Variants in DISC1 observed in about 807,000 individuals in gnomAD.
DISC1 encodes the protein disrupted in schizophrenia 1 protein.
Under a neutral mutation model 84.5 loss-of-function variants are expected in DISC1, and 57 were observed. The ratio of observed to expected loss-of-function variants is 0.67; its 90% CI spans 0.55 to 0.84. The LOEUF is 0.84. Among genes scored for constraint, DISC1 ranks in the 40% least tolerant of loss-of-function variants. The probability of loss-of-function intolerance (pLI) is 0.00; values close to 1 mark genes in which losing one functional copy is unlikely to be tolerated. For synonymous variants in DISC1, 411 were observed against 415.2 expected (o/e 0.99, Z 0.12); for missense variants, 1,000 against 1,057.8 (o/e 0.95, Z 0.76).
At chr1:231,874,746 C>T (rs576870970) in intron 9 of DISC1, among the ~76,000 whole-genome samples, 1 of 151,480 alleles carries the variant, frequency 6.6e-6, no homozygotes, top group South Asian at 2.1e-4. Flanking sequence ...CCCGTATCTA[C>T]CAAAAATACA....
intron 4 of DISC1, among the ~76,000 whole-genome samples, chr1:231,759,764 A>G (rs2075490019): frequency 6.6e-6 from 1 of 152,152 alleles, no homozygotes; most frequent in South Asian, 2.1e-4. Flanking sequence ...ACCCCAAATC[A>G]GATCAGGAGA....
At chr1:232,002,911 C>CT (rs1443226892) in intron 10 of DISC1, among the ~76,000 whole-genome samples, 2 of 152,130 alleles carry the variant, frequency 1.3e-5, no homozygotes, top group East Asian at 3.9e-4. Context: ...AAGGGGAACT[C>CT]TGACGAAGAT....
intron 9 of DISC1, among the ~76,000 whole-genome samples, chr1:231,933,522 C>G (rs986152756): frequency 6.6e-6 from 1 of 152,188 alleles, no homozygotes; most frequent in African/African-American, 2.4e-5. Flanking sequence ...TCTTTTCCCT[C>G]CACATGCCTG....
At chr1:231,686,556 C>G (rs900151217) in intron 1 of DISC1, among the ~76,000 whole-genome samples, 1 of 152,144 alleles carries the variant, frequency 6.6e-6, no homozygotes, top group African/African-American at 2.4e-5. Flanking sequence ...CATGGGGACC[C>G]TGGGCCCGGC....
intron 12 of DISC1, among the ~76,000 whole-genome samples, chr1:232,030,407 G>GA (rs1312589414): frequency 1.3e-5 from 2 of 152,192 alleles, no homozygotes; most frequent in Non-Finnish European, 2.9e-5. Context: ...CCTGTGATAT[G>GA]TACATTTTTG....
intron 9 of DISC1, among the ~76,000 whole-genome samples, chr1:231,875,818 A>G (rs1264306409): frequency 6.6e-6 from 1 of 152,096 alleles, no homozygotes; most frequent in African/African-American, 2.4e-5. Context: ...CAATTCCCCC[A>G]CACAGTTTGG....
rs181835920 is a variant in DISC1 at position 231,856,939 on chromosome 1, C to T, written c.1981+38422C>T. Among the ~76,000 whole-genome samples, 275 of 152,248 alleles carry T rather than the reference C, an allele frequency of 1.8e-3. 2 individuals carry two copies. The highest frequency in any genetic ancestry group is 6.1e-3 in the African/African-American group (253 of 41,540). On this transcript the variant is annotated intron_variant, in intron 9 of 12. Coordinates refer to ENST00000439617, the MANE Select transcript of DISC1 (RefSeq NM_018662.3). ...GGCAGAGTGGGCTGCAGCAATCCTG[C>T]GGCGGCAGCATGAAAAAAGGGGTCT... is the stretch of plus-strand genomic sequence containing the variant.
intron 6 of DISC1, among the ~76,000 whole-genome samples, chr1:231,780,919 C>T (rs1407723698): frequency 4.9e-4 from 54 of 109,680 alleles, no homozygotes; most frequent in African/African-American, 1.8e-3. Flanking sequence ...AACAAAAAAC[C>T]AAACACCGCA....
At chr1:231,726,869 T>C (rs2070789702) in intron 3 of DISC1, among the ~76,000 whole-genome samples, 1 of 152,168 alleles carries the variant, frequency 6.6e-6, no homozygotes, top group Admixed American at 6.5e-5. Context: ...CCATGATCTC[T>C]CTCTTAGCCT....
intron 9 of DISC1, among the ~76,000 whole-genome samples, chr1:231,825,862 G>C (rs984061219): frequency 1.3e-5 from 2 of 152,250 alleles, no homozygotes; most frequent in South Asian, 4.1e-4. Flanking sequence ...ATCCTTAGAG[G>C]TTTAAATATA....
In DISC1 at chr1:231,627,064, A is replaced by G. The variant is rs537786161; in HGVS notation, c.67+130A>G. ...AACAACCCCTTTCGAGGTGAGGGAA[A>G]CTGAGGCAGGACGCGAGGCGTGCGA... On this transcript the variant is annotated intron_variant, in intron 1 of 12. Transcript: ENST00000439617. 8.3e-6 allele frequency: 5 copies of G among 600,756 alleles called. No individual in the cohort carries two copies. In the South Asian group the frequency reaches 1.3e-4, roughly 15 times the overall value. 37.2% of individuals were successfully genotyped at this position (600,756 alleles called of 1,614,324 possible). A position where few individuals can be genotyped will look rare whatever the true frequency, so the allele number is the denominator to read the frequency against.
At chr1:231,776,226 A>G (rs1345575003) in intron 6 of DISC1, among the ~76,000 whole-genome samples, 1 of 152,152 alleles carries the variant, frequency 6.6e-6, no homozygotes, top group South Asian at 2.1e-4. Flanking sequence ...AATCACAGTG[A>G]TGACGTGGAG....
At chr1:231,820,507 A>G (rs1201335532) in intron 9 of DISC1, among the ~76,000 whole-genome samples, 3 of 152,218 alleles carry the variant, frequency 2.0e-5, no homozygotes, top group African/African-American at 7.2e-5. Context: ...TTCTTAAAAA[A>G]AGATTTTGAT....
At chr1:231,803,378 C>A (rs971571257) in intron 8 of DISC1, among the ~76,000 whole-genome samples, 1 of 152,128 alleles carries the variant, frequency 6.6e-6, no homozygotes, top group Admixed American at 6.6e-5. Flanking sequence ...AACAACAAAC[C>A]TTTATCTCTC....
intron 9 of DISC1, among the ~76,000 whole-genome samples, chr1:231,948,861 A>ATTTTTTT (rs58931988): frequency 2.1e-5 from 2 of 94,454 alleles, no homozygotes; most frequent in South Asian, 3.8e-4. Context: ...TCCTGTGTTA[A>ATTTTTTT]TTTTTTTTTT....
intron 1 of DISC1, among the ~76,000 whole-genome samples, chr1:231,682,112 G>T (rs1293433833): frequency 1.3e-5 from 2 of 152,288 alleles, no homozygotes; most frequent in Non-Finnish European, 2.9e-5. Context: ...TAGGGGAAGG[G>T]GAGGAGGATA....
At position 231,827,490 on chromosome 1, in the gene DISC1, T is replaced by C. The variant is rs143535752; in HGVS notation, c.1981+8973T>C. Among the ~76,000 whole-genome samples, 792 of 152,360 alleles carry C rather than the reference T, an allele frequency of 5.2e-3. 9 individuals carry two copies. Among genetic ancestry groups the C allele is most frequent in the African/African-American group, 0.019 (778 of 41,562 alleles). Reference sequence around the variant, plus strand: ...TCCTTCTTGGCATTATCATGAGTTATGGCTTCCTGTACACATTCCTGCCAT... The same window carrying C: ...TCCTTCTTGGCATTATCATGAGTTACGGCTTCCTGTACACATTCCTGCCAT... On this transcript the variant is annotated intron_variant, in intron 9 of 12. Coordinates refer to ENST00000439617, the MANE Select transcript of DISC1 (RefSeq NM_018662.3).
At chr1:231,691,689 T>C (rs1436065031) in intron 1 of DISC1, among the ~76,000 whole-genome samples, 3 of 152,264 alleles carry the variant, frequency 2.0e-5, no homozygotes, top group Non-Finnish European at 2.9e-5. Flanking sequence ...CTTTGGTAAT[T>C]GAAGCCAGAA....
intron 4 of DISC1, among the ~76,000 whole-genome samples, chr1:231,757,089 T>C (rs932816654): frequency 6.6e-6 from 1 of 152,188 alleles, no homozygotes; most frequent in African/African-American, 2.4e-5. Context: ...GTGGTGCTTT[T>C]CCTGTAGAAA....
Sources: gnomAD v4.1 joint callset for allele counts (sites outside exome capture counted in the v4.1 genomes callset) on GRCh38, gnomAD v4.1.1 for gene constraint, MANE v1.5 for transcripts, NCBI Gene and HGNC (gene_info 2026-07-23, HGNC 2026-07-21) for gene names.